SLC9A2: variants seen among roughly 807,000 people sequenced by gnomAD.
SLC9A2 encodes the protein sodium/hydrogen exchanger 2.
In SLC9A2, 42 loss-of-function variants were observed where a neutral mutation model predicts 71.7. The observed-to-expected ratio is 0.59, with a 90% confidence interval of 0.46 to 0.76. SLC9A2 has a LOEUF of 0.76. Ranked by LOEUF, SLC9A2 falls within the 30% of genes least tolerant of loss-of-function variation. The pLI, the probability that SLC9A2 is intolerant of heterozygous loss-of-function variation, is 0.00. For missense variants in SLC9A2, 829 were observed against 1,017.4 expected, an observed-to-expected ratio of 0.81 and a Z score of 2.52; for synonymous variants, 396 against 392.5, an observed-to-expected ratio of 1.01 and a Z score of -0.10.
At chr2:102,667,566 C>T (rs544099212) in intron 3 of SLC9A2, among the ~76,000 whole-genome samples, 1 of 152,238 alleles carries the variant, frequency 6.6e-6, no homozygotes, top group East Asian at 1.9e-4. Flanking sequence ...AAGGCCTATG[C>T]TGTATCAAGT....
chr2:102,688,236 A>G (rs1055371089), intron 5 of SLC9A2, among the ~76,000 whole-genome samples: 2 of 152,190 alleles, frequency 1.3e-5, no homozygotes, highest in Non-Finnish European at 2.9e-5. Flanking sequence ...ACAGTTACAT[A>G]AAGTGCAGTT....
chr2:102,650,583 G>A (rs1029635913), intron 1 of SLC9A2, among the ~76,000 whole-genome samples: 3 of 152,112 alleles, frequency 2.0e-5, no homozygotes, highest in Non-Finnish European at 4.4e-5. Flanking sequence ...TTCCACAGTT[G>A]TGGAAGTTAA....
intron 11 of SLC9A2, among the ~76,000 whole-genome samples, chr2:102,707,527 C>T (rs913829458): frequency 1.4e-4 from 21 of 152,164 alleles, no homozygotes; most frequent in African/African-American, 4.3e-4. Flanking sequence ...AGCACTCTAG[C>T]ACCTGAATCT....
chr2:102,694,455 G>A lies in SLC9A2; in HGVS notation c.1467G>A (p.Lys489=). The A allele has an allele frequency of 6.5e-7, 1 of 1,540,718 alleles. No homozygotes were observed. The highest frequency in any genetic ancestry group is 8.8e-7 in the Non-Finnish European group (1 of 1,133,426). Residue 489 remains lysine, a synonymous_variant, in exon 6 of 12, where the codon AAG becomes AAA. Transcript: ENST00000233969. ...IRPLVEFLDV[K]RSNKKQQAVS... is the part of the protein sequence containing the mutation. ...CACTGGTGGAGTTTCTTGATGTCAA[G>A]AGGTCCAATAAGAAACAACAAGCTG...
At chr2:102,649,712 T>C (rs1676795176) in intron 1 of SLC9A2, among the ~76,000 whole-genome samples, 1 of 151,790 alleles carries the variant, frequency 6.6e-6, no homozygotes, top group South Asian at 2.1e-4. Flanking sequence ...CCAACAAACA[T>C]GAAAAAAAGC....
intron 3 of SLC9A2, among the ~76,000 whole-genome samples, chr2:102,665,803 A>G (rs1475748634): frequency 7.0e-6 from 1 of 143,536 alleles, no homozygotes; most frequent in African/African-American, 2.6e-5. Flanking sequence ...AAAAAAAAAG[A>G]TTTTTCTTAT....
In SLC9A2 at chr2:102,643,306, G is replaced by T. The variant is rs115270997; in HGVS notation, c.290-14258G>T. On this transcript the variant is annotated intron_variant, in intron 1 of 11. Transcript: ENST00000233969. ...ACACCACCCCAATAGAAAAGCCAGG[G>T]TGTTCCTTACACTCTGGTGAGGATG... is the stretch of plus-strand genomic sequence containing the variant. 1.8e-3 allele frequency among the ~76,000 whole-genome samples: 270 copies of T among 152,260 alleles called. 1 individual carries two copies. The highest frequency in any genetic ancestry group is 6.2e-3 in the African/African-American group (256 of 41,556).
chr2:102,661,588 T>C (rs191108616), intron 2 of SLC9A2, among the ~76,000 whole-genome samples: 14 of 152,374 alleles, frequency 9.2e-5, no homozygotes, highest in Admixed American at 5.9e-4. Context: ...CCTTGCTTTA[T>C]ATGATTTCAC....
intron 4 of SLC9A2, 82 bp downstream of exon 4, chr2:102,683,560 C>A: frequency 9.3e-7 from 1 of 1,072,646 alleles, no homozygotes; most frequent in South Asian, 1.4e-5. Flanking sequence ...TCCCTTTCTG[C>A]TGTTGTGGAT....
At position 102,708,395 on chromosome 2, in the gene SLC9A2, C is replaced by T. The variant is rs757784007; in HGVS notation, c.2345C>T (p.Thr782Ile). 3.1e-6 allele frequency: 5 copies of T among 1,614,090 alleles called. No homozygotes were observed. Among genetic ancestry groups the T allele is most frequent in the Non-Finnish European group, 3.4e-6 (4 of 1,180,058 alleles). The change falls in exon 12 of 12, where the codon ACT (threonine) becomes ATT (isoleucine). Residue 782 changes from threonine to isoleucine, a missense_variant. Transcript: ENST00000233969. Reference sequence around the variant, plus strand: ...GGCTCAGAGAGGGAAGACAGTTTGACTGAAGGCATCCCGCCCAAGCCGCCA... The same window carrying T: ...GGCTCAGAGAGGGAAGACAGTTTGATTGAAGGCATCCCGCCCAAGCCGCCA... The part of the protein sequence containing the change: ...QSGSEREDSL[T>I]EGIPPKPPPR...
chr2:102,665,773 T>TGAAAA (rs772052495), intron 3 of SLC9A2, among the ~76,000 whole-genome samples: 1 of 38,770 alleles, frequency 2.6e-5, no homozygotes, highest in Non-Finnish European at 5.0e-5. Flanking sequence ...GACTCTGTCT[T>TGAAAA]AAAAAAAAAA....
intron 10 of SLC9A2, among the ~76,000 whole-genome samples, chr2:102,705,511 CT>C: frequency 6.6e-6 from 1 of 150,920 alleles, no homozygotes; most frequent in East Asian, 1.9e-4. Flanking sequence ...AACATATCTT[CT>C]TCCCCATACA....
intron 9 of SLC9A2, among the ~76,000 whole-genome samples, chr2:102,703,751 T>C (rs185220491): frequency 1.3e-3 from 191 of 152,336 alleles, no homozygotes; most frequent in African/African-American, 4.5e-3. Flanking sequence ...ATTTAATTAT[T>C]ATTTATGATT....
At chr2:102,659,989 G>A (rs954319039) in intron 2 of SLC9A2, among the ~76,000 whole-genome samples, 2 of 152,072 alleles carry the variant, frequency 1.3e-5, no homozygotes, top group Non-Finnish European at 2.9e-5. Flanking sequence ...GACACACCAG[G>A]CCTCCACACT....
At chr2:102,647,567 T>C (rs1253861484) in intron 1 of SLC9A2, among the ~76,000 whole-genome samples, 1 of 152,054 alleles carries the variant, frequency 6.6e-6, no homozygotes, top group Non-Finnish European at 1.5e-5. Flanking sequence ...AACTGGTTTT[T>C]TGAAAAGATT....
At chr2:102,632,766 C>T (rs993235626) in intron 1 of SLC9A2, among the ~76,000 whole-genome samples, 1 of 152,134 alleles carries the variant, frequency 6.6e-6, no homozygotes, top group African/African-American at 2.4e-5. Flanking sequence ...ATCAAACTCA[C>T]AATACATTTA....
chr2:102,655,756 A>G (rs1008384696), intron 1 of SLC9A2, among the ~76,000 whole-genome samples: 1 of 152,224 alleles, frequency 6.6e-6, no homozygotes, highest in African/African-American at 2.4e-5. Context: ...GAAGACCACA[A>G]CTGGATAATT....
At chr2:102,669,713 C>T (rs529970808) in intron 3 of SLC9A2, among the ~76,000 whole-genome samples, 3 of 152,306 alleles carry the variant, frequency 2.0e-5, no homozygotes, top group East Asian at 1.9e-4. Context: ...CTATGGACAA[C>T]GGTGTGTTTA....
chr2:102,697,175 A>G (rs1326627825), intron 7 of SLC9A2, among the ~76,000 whole-genome samples: 5 of 152,150 alleles, frequency 3.3e-5, no homozygotes, highest in Admixed American at 6.6e-5. Flanking sequence ...TAGGTTCAAG[A>G]TATCTAGTGC....
Sources: allele counts gnomAD v4.1 joint callset (sites outside exome capture counted in the v4.1 genomes callset), GRCh38; gene constraint gnomAD v4.1.1; transcripts MANE v1.5; gene names NCBI Gene and HGNC (gene_info 2026-07-23, HGNC 2026-07-21).